PARG: variants seen among roughly 807,000 people sequenced by gnomAD.
The protein encoded by PARG is poly(ADP-ribose) glycohydrolase.
Under a neutral mutation model 113.0 loss-of-function variants are expected in PARG, and 35 were observed. The ratio of observed to expected loss-of-function variants is 0.31; its 90% CI spans 0.24 to 0.41. The LOEUF (loss-of-function observed/expected upper bound fraction) is 0.41, where lower values mean the gene tolerates loss of function less well. Among genes scored for constraint, PARG ranks in the 10% least tolerant of loss-of-function variants. PARG has a pLI of 1.00. For missense variants in PARG, 797 were observed against 1,169.4 expected (o/e 0.68, Z 4.64); for synonymous variants, 330 against 409.9 (o/e 0.81, Z 2.36).
At chr10:49,843,360 C>T (rs1197226858) in intron 14 of PARG, among the ~76,000 whole-genome samples, 194 bp downstream of exon 14, 1 of 152,176 alleles carries the variant, frequency 6.6e-6, no homozygotes, top group Non-Finnish European at 1.5e-5. Context: ...TTTATCTTCT[C>T]TGTTCTTCCC....
chr10:49,873,310 A>C (rs1481218404), intron 9 of PARG, among the ~76,000 whole-genome samples: 2 of 64,536 alleles, frequency 3.1e-5, no homozygotes, highest in Non-Finnish European at 5.9e-5. Context: ...AGTAGAAACT[A>C]TGCATAAAAG....
At chr10:49,941,040 G>A (rs1190513248) in intron 1 of PARG, among the ~76,000 whole-genome samples, 2 of 152,126 alleles carry the variant, frequency 1.3e-5, no homozygotes, top group African/African-American at 4.8e-5. Context: ...AGATTTTAAG[G>A]TATGAAGGCA....
At chr10:49,921,244 T>C (rs1554849226) in intron 6 of PARG, among the ~76,000 whole-genome samples, 1 of 152,194 alleles carries the variant, frequency 6.6e-6, no homozygotes. Flanking sequence ...ATCTAAAGCC[T>C]TAGAACTAGT....
chr10:49,822,469 C>T (rs1412581811), intron 16 of PARG, among the ~76,000 whole-genome samples: 18 of 152,228 alleles, frequency 1.2e-4, no homozygotes, highest in African/African-American at 4.3e-4. Context: ...TAAAGTAGTG[C>T]TCAAATGGAT....
At chr10:49,937,244 A>C (rs1261030759) in intron 1 of PARG, among the ~76,000 whole-genome samples, 1 of 152,244 alleles carries the variant, frequency 6.6e-6, no homozygotes, top group African/African-American at 2.4e-5. Flanking sequence ...TGGGAGGACG[A>C]GGCAGGCGGA....
At chr10:49,868,144 C>T (rs1206100705) in intron 10 of PARG, among the ~76,000 whole-genome samples, 8 of 152,218 alleles carry the variant, frequency 5.3e-5, no homozygotes, top group East Asian at 1.9e-4. Flanking sequence ...CCCGCCACCG[C>T]GCCTGGCTAA....
intron 15 of PARG, among the ~76,000 whole-genome samples, chr10:49,840,031 T>C (rs1182515672): frequency 6.6e-6 from 1 of 152,218 alleles, no homozygotes; most frequent in Admixed American, 6.5e-5. Context: ...ACAATTGCTT[T>C]AAGGCAAGAG....
rs576077134 is a variant in PARG, at chr10:49,866,465, C to A, written c.2069-1084G>T. On this transcript the variant is annotated intron_variant, in intron 10 of 17. Coordinates refer to ENST00000616448, the MANE Select transcript of PARG (RefSeq NM_003631.5). ...AGATGGGTCTTACGTCTTTTAGATACCTAACTTTAAGATAAATGGATAACA... is the reference window on the plus strand; with the variant it reads ...AGATGGGTCTTACGTCTTTTAGATAACTAACTTTAAGATAAATGGATAACA... Among the ~76,000 whole-genome samples, 197 of 151,870 alleles carry A rather than the reference C, an allele frequency of 1.3e-3. 1 individual carries two copies. The highest frequency in any genetic ancestry group is 4.5e-3 in the African/African-American group (186 of 41,396).
At chr10:49,928,760 G>A (rs576512104) in intron 4 of PARG, among the ~76,000 whole-genome samples, 5 of 152,236 alleles carry the variant, frequency 3.3e-5, no homozygotes, top group South Asian at 4.1e-4. Flanking sequence ...CTGCCTTGGC[G>A]TCCTAAAGTG....
At chr10:49,821,446 C>T (rs1554828613) in intron 16 of PARG, among the ~76,000 whole-genome samples, 1 of 152,116 alleles carries the variant, frequency 6.6e-6, no homozygotes, top group Non-Finnish European at 1.5e-5. Flanking sequence ...GTGGTGTGAT[C>T]TCAGCTCACT....
chr10:49,925,958 A>G (rs1288999348), intron 4 of PARG, among the ~76,000 whole-genome samples: 4 of 152,246 alleles, frequency 2.6e-5, no homozygotes, highest in African/African-American at 9.6e-5. Flanking sequence ...TTCCTGATGC[A>G]AGTCCTGCCC....
chr10:49,941,789 G>A lies in PARG; in HGVS notation c.-64C>T. 1.3e-6 allele frequency: 2 copies of A among 1,537,514 alleles called. No homozygotes were observed. Among genetic ancestry groups the A allele is most frequent in the Non-Finnish European group, 1.7e-6 (2 of 1,146,260 alleles). ...GCGGAGAGCCTCATTCACTAACCCT[G>A]AGAGAGATGGACTGCGCCTCCTTCT... On this transcript the variant is annotated 5_prime_UTR_variant, in exon 1 of 18. Coordinates refer to ENST00000616448, the MANE Select transcript of PARG (RefSeq NM_003631.5).
intron 4 of PARG, among the ~76,000 whole-genome samples, chr10:49,926,707 G>A (rs1253295110): frequency 2.0e-5 from 3 of 152,144 alleles, no homozygotes; most frequent in Non-Finnish European, 4.4e-5. Context: ...AAGAATCTCC[G>A]AATCCTGCAA....
At chr10:49,916,047 T>C in intron 6 of PARG, 56 bp from the exon 7 acceptor site, 2 of 884,130 alleles carry the variant, frequency 2.3e-6, no homozygotes, top group East Asian at 2.6e-5. Context: ...GAATGACCTA[T>C]GAAGAGCCTG....
chr10:49,879,020 A>G (rs1847091255), intron 9 of PARG, among the ~76,000 whole-genome samples: 1 of 152,244 alleles, frequency 6.6e-6, no homozygotes, highest in South Asian at 2.1e-4. Flanking sequence ...TGTGTAGAAG[A>G]TAGAGAAAGC....
At chr10:49,932,949 C>G (rs1838562402) in intron 3 of PARG, among the ~76,000 whole-genome samples, 1 of 152,024 alleles carries the variant, frequency 6.6e-6, no homozygotes, top group African/African-American at 2.4e-5. Context: ...CAAAAGGAAA[C>G]TCATGAAACT....
chr10:49,893,934 G>A (rs1348154068), intron 7 of PARG, among the ~76,000 whole-genome samples: 5 of 151,958 alleles, frequency 3.3e-5, no homozygotes, highest in Non-Finnish European at 5.9e-5. Flanking sequence ...TCCTGACCTC[G>A]TGATCCACCC....
intron 6 of PARG, among the ~76,000 whole-genome samples, chr10:49,918,549 T>G (rs1163656115): frequency 6.6e-6 from 1 of 152,216 alleles, no homozygotes; most frequent in Non-Finnish European, 1.5e-5. Flanking sequence ...ATTCTTTCTG[T>G]GCAAATTATC....
At chr10:49,927,369 G>GGAAGGAAAGAAA (rs1838239988) in intron 4 of PARG, among the ~76,000 whole-genome samples, 1 of 130,676 alleles carries the variant, frequency 7.7e-6, no homozygotes, top group African/African-American at 3.1e-5. Flanking sequence ...AAGGAAAGAA[G>GGAAGGAAAGAAA]GAAAGAAAGA....
Sources: allele counts gnomAD v4.1 joint callset (sites outside exome capture counted in the v4.1 genomes callset), GRCh38; gene constraint gnomAD v4.1.1; transcripts MANE v1.5; gene names NCBI Gene and HGNC (gene_info 2026-07-23, HGNC 2026-07-21).